The following ARHGAP26 variants were observed in gnomAD, a reference collection of about 807,000 sequenced individuals.
The protein encoded by ARHGAP26 is rho GTPase-activating protein 26.
Under a neutral mutation model 104.8 loss-of-function variants are expected in ARHGAP26, and 38 were observed. The ratio of observed to expected loss-of-function variants is 0.36; its 90% CI spans 0.28 to 0.48. The LOEUF is 0.48. ARHGAP26 is among the 20% of genes least tolerant of loss of function. The pLI is 0.99. For missense variants in ARHGAP26, 704 were observed against 947.9 expected, an observed-to-expected ratio of 0.74 and a Z score of 3.38; for synonymous variants, 341 against 340.0, an observed-to-expected ratio of 1.00 and a Z score of -0.03.
intron 10 of ARHGAP26, among the ~76,000 whole-genome samples, chr5:142,916,896 G>A (rs990656270): frequency 3.9e-5 from 6 of 152,110 alleles, no homozygotes; most frequent in African/African-American, 1.4e-4. Context: ...AACCCAGGGG[G>A]GTAGGTCCTC....
chr5:143,004,017 CAAAAA>C (rs144058530), intron 11 of ARHGAP26, among the ~76,000 whole-genome samples: 57 of 118,130 alleles, frequency 4.8e-4, no homozygotes, highest in African/African-American at 1.7e-3. Flanking sequence ...AATTTATAGA[CAAAAA>C]AAAAAAAAAA....
chr5:143,086,109 A>G (rs1250072101), intron 17 of ARHGAP26, among the ~76,000 whole-genome samples: 1 of 152,210 alleles, frequency 6.6e-6, no homozygotes. Context: ...GTAAAAGAAC[A>G]GGAGTTGATC....
rs1237296730 is a variant in ARHGAP26 at position 142,890,149 on chromosome 5, AAAATATATATATATATATATAT to A, written c.487-4087_487-4066del. 3.1e-3 allele frequency among the ~76,000 whole-genome samples: 206 copies of A among 66,718 alleles called. 6 individuals are homozygous for A. Among genetic ancestry groups the A allele is most frequent in the African/African-American group, 0.013 (188 of 14,654 alleles). The allele number at this position is 66,718 out of a possible 152,430, so 43.8% of individuals were successfully genotyped here. On this transcript the variant is annotated intron_variant, in intron 5 of 22. Coordinates refer to ENST00000645722, the MANE Select transcript of ARHGAP26 (RefSeq NM_001135608.3). ...GAAACTCCGTCTTAAAAAAAAAAAA[AAAATATATATATATATATATAT>A]ATATATATATATATATATATATATA...
At chr5:143,155,890 T>C (rs258809) in intron 20 of ARHGAP26, among the ~76,000 whole-genome samples, 31,740 of 152,080 alleles carry the variant, frequency 0.21, 3,974 homozygotes, top group East Asian at 0.39. Context: ...AGCTTTGGAG[T>C]TTAATTAAAG....
At chr5:143,162,462 T>C (rs896376559) in intron 20 of ARHGAP26, among the ~76,000 whole-genome samples, 17 of 151,972 alleles carry the variant, frequency 1.1e-4, no homozygotes, top group African/African-American at 3.9e-4. Flanking sequence ...AGAAGTGGAG[T>C]CATGGGAATC....
At chr5:143,093,656 C>G (rs991355150) in intron 17 of ARHGAP26, among the ~76,000 whole-genome samples, 5 of 150,566 alleles carry the variant, frequency 3.3e-5, no homozygotes, top group Non-Finnish European at 5.9e-5. Flanking sequence ...CTCTTTCTTT[C>G]CTCTCTCTCT....
chr5:142,958,063 T>A (rs926425477), intron 11 of ARHGAP26, among the ~76,000 whole-genome samples: 1 of 152,190 alleles, frequency 6.6e-6, no homozygotes, highest in African/African-American at 2.4e-5. Flanking sequence ...AGGACAGATA[T>A]GAAAAATTTG....
At chr5:143,120,880 C>T in intron 17 of ARHGAP26, 108 bp from the exon 18 acceptor site, 1 of 1,140,012 alleles carries the variant, frequency 8.8e-7, no homozygotes. Flanking sequence ...GTTCTGGCTC[C>T]TACAGATGAG....
intron 18 of ARHGAP26, among the ~76,000 whole-genome samples, chr5:143,128,127 G>A (rs1393352645): frequency 6.6e-6 from 1 of 152,090 alleles, no homozygotes; most frequent in Non-Finnish European, 1.5e-5. Flanking sequence ...TCTTTTTTTA[G>A]TGACAAGTGC....
intron 11 of ARHGAP26, among the ~76,000 whole-genome samples, chr5:142,980,590 T>C (rs773686837): frequency 9.2e-5 from 14 of 152,032 alleles, no homozygotes; most frequent in Non-Finnish European, 1.8e-4. Context: ...GGTTTCACCA[T>C]GTTGGCCAGG....
At chr5:143,138,569 AGGAAC>A (rs1352543947) in intron 19 of ARHGAP26, among the ~76,000 whole-genome samples, 1 of 152,228 alleles carries the variant, frequency 6.6e-6, no homozygotes, top group Non-Finnish European at 1.5e-5. Context: ...CCCAATAGAT[AGGAAC>A]GGTGGTCTGT....
chr5:142,871,640 T>C lies in ARHGAP26; in HGVS notation c.155-1760T>C, dbSNP rs1265994268. On this transcript the variant is annotated intron_variant, in intron 1 of 22. Transcript: ENST00000645722. The surrounding 1 kb of genome is among the most constrained non-coding windows in gnomAD (Gnocchi z 4.1). ...AAAATATTATTCTTTCCCTTTTTTC[T>C]TGTGTCTACCTGTAGCCTCCTCCTG... Among the ~76,000 whole-genome samples the C allele has an allele frequency of 6.6e-6, 1 of 152,230 alleles. No individual in the cohort carries two copies. Among genetic ancestry groups the C allele is most frequent in the Non-Finnish European group, 1.5e-5 (1 of 68,042 alleles).
intron 22 of ARHGAP26, among the ~76,000 whole-genome samples, chr5:143,221,509 A>G (rs1599582014): frequency 6.6e-6 from 1 of 151,490 alleles, no homozygotes; most frequent in South Asian, 2.1e-4. Context: ...TAAGATGATG[A>G]CAAGAAGCTG....
chr5:143,002,362 A>G (rs1205755765), intron 11 of ARHGAP26, among the ~76,000 whole-genome samples: 1 of 96,826 alleles, frequency 1.0e-5, no homozygotes, highest in Non-Finnish European at 1.9e-5. Flanking sequence ...CTGTATAACT[A>G]TTTCCAAAAA....
intron 13 of ARHGAP26, among the ~76,000 whole-genome samples, chr5:143,039,820 G>A: frequency 6.6e-6 from 1 of 152,104 alleles, no homozygotes; most frequent in Non-Finnish European, 1.5e-5. Context: ...AATACAATAA[G>A]TAGGAGAAGA....
At chr5:142,943,474 G>A (rs547833157) in intron 11 of ARHGAP26, among the ~76,000 whole-genome samples, 58 of 152,286 alleles carry the variant, frequency 3.8e-4, no homozygotes, top group African/African-American at 1.2e-3. Flanking sequence ...GAAGGGCAGG[G>A]CAGCTCTCTG....
intron 11 of ARHGAP26, among the ~76,000 whole-genome samples, chr5:142,970,954 A>G (rs1445590411): frequency 6.6e-6 from 1 of 152,178 alleles, no homozygotes; most frequent in Non-Finnish European, 1.5e-5. Context: ...TTCATATGAA[A>G]CTTTTTAAAG....
intron 11 of ARHGAP26, among the ~76,000 whole-genome samples, chr5:142,960,877 T>C (rs1431630532): frequency 2.0e-5 from 3 of 152,196 alleles, no homozygotes; most frequent in Non-Finnish European, 4.4e-5. Flanking sequence ...TCTTCAGTGT[T>C]CTTCAGTTTT....
chr5:143,180,599 A>T (rs773300472), intron 20 of ARHGAP26, among the ~76,000 whole-genome samples: 3 of 152,170 alleles, frequency 2.0e-5, no homozygotes, highest in Non-Finnish European at 2.9e-5. Context: ...GGAAACTTAC[A>T]ATCATGGCAG....
Sources: allele counts gnomAD v4.1 joint callset (sites outside exome capture counted in the v4.1 genomes callset), GRCh38; gene constraint gnomAD v4.1.1; non-coding constraint Gnocchi (gnomAD v3.1); transcripts MANE v1.5; gene names NCBI Gene and HGNC (gene_info 2026-07-23, HGNC 2026-07-21).